The following FHIT variants were observed in gnomAD, a reference collection of about 807,000 sequenced individuals.
FHIT encodes the protein fragile histidine triad diadenosine triphosphatase, also known as bis(5'-adenosyl)-triphosphatase.
FHIT carries 19 observed loss-of-function variants against 17.9 expected under a neutral mutation model. The ratio of observed to expected loss-of-function variants is 1.06; its 90% CI spans 0.74 to 1.56. The LOEUF is 1.56. Among genes scored for constraint, FHIT ranks in the 40% most tolerant of loss-of-function variants. FHIT has a pLI of 0.00. For synonymous variants in FHIT, 81 were observed against 69.7 expected, an observed-to-expected ratio of 1.16 and a Z score of -0.81; for missense variants, 248 against 189.2, an observed-to-expected ratio of 1.31 and a Z score of -1.82.
intron 5 of FHIT, among the ~76,000 whole-genome samples, chr3:60,100,893 T>A (rs1322795701): frequency 6.6e-6 from 1 of 152,202 alleles, no homozygotes; most frequent in African/African-American, 2.4e-5. Context: ...CAAGAACCAC[T>A]TGACCTTTGG....
At chr3:60,846,369 C>T (rs185149841) in intron 3 of FHIT, among the ~76,000 whole-genome samples, 122 of 152,292 alleles carry the variant, frequency 8.0e-4, no homozygotes, top group Non-Finnish European at 1.4e-3. Flanking sequence ...GAAACACAAA[C>T]TTCAAGACAT....
chr3:59,928,252 A>C (rs1342662660), intron 7 of FHIT, among the ~76,000 whole-genome samples: 2 of 152,230 alleles, frequency 1.3e-5, no homozygotes, highest in African/African-American at 4.8e-5. Flanking sequence ...CTGACCTGTG[A>C]TTATGTTAAG....
chr3:60,930,651 A>C (rs1707900665), intron 3 of FHIT, among the ~76,000 whole-genome samples: 1 of 152,230 alleles, frequency 6.6e-6, no homozygotes, highest in Non-Finnish European at 1.5e-5. Flanking sequence ...CATGCAAATC[A>C]AAACCACAAT....
intron 8 of FHIT, among the ~76,000 whole-genome samples, chr3:59,901,936 C>A (rs1039076761): frequency 6.6e-6 from 1 of 152,062 alleles, no homozygotes; most frequent in Non-Finnish European, 1.5e-5. Flanking sequence ...CCTAGCCATA[C>A]AATGGAATAT....
chr3:60,912,054 T>TACACACAC (rs34525181), intron 3 of FHIT, among the ~76,000 whole-genome samples: 2 of 150,296 alleles, frequency 1.3e-5, no homozygotes, highest in Admixed American at 1.3e-4. Flanking sequence ...CACACACACA[T>TACACACAC]ACACACACAC....
intron 7 of FHIT, among the ~76,000 whole-genome samples, chr3:59,971,723 C>T (rs1708192938): frequency 6.6e-6 from 1 of 152,112 alleles, no homozygotes; most frequent in African/African-American, 2.4e-5. Context: ...AGTCCATGTC[C>T]AGGTTGCCCC....
Position 60,779,540 on chromosome 3 carries a change from C to T in FHIT, c.-18+42379G>A, listed in dbSNP as rs138976253. 2.0e-5 allele frequency among the ~76,000 whole-genome samples: 3 copies of T among 152,246 alleles called. No individual in the cohort carries two copies. In the East Asian group the frequency reaches 5.8e-4, roughly 29 times the overall value. On this transcript the variant is annotated intron_variant, in intron 4 of 9. Transcript: ENST00000492590. ...AAAGCCAAGCATCACGTATCCAAAT[C>T]CTGGCAAGCATAACTATAGCTACCA... is the stretch of plus-strand genomic sequence containing the variant.
chr3:60,792,795 T>C (rs1437339491), intron 4 of FHIT, among the ~76,000 whole-genome samples: 7 of 152,012 alleles, frequency 4.6e-5, no homozygotes, highest in Non-Finnish European at 8.8e-5. Flanking sequence ...CAGCCATTAG[T>C]AATTCCATCT....
intron 5 of FHIT, among the ~76,000 whole-genome samples, chr3:60,146,740 A>G (rs1576199174): frequency 6.6e-6 from 1 of 152,180 alleles, no homozygotes; most frequent in East Asian, 1.9e-4. Flanking sequence ...CCAAGTTTCA[A>G]CATGTCTGAG....
At chr3:59,781,029 A>G (rs1202366475) in intron 8 of FHIT, among the ~76,000 whole-genome samples, 2 of 152,162 alleles carry the variant, frequency 1.3e-5, no homozygotes, top group African/African-American at 2.4e-5. Context: ...ATAAAATTGT[A>G]TTATAAACTA....
intron 5 of FHIT, among the ~76,000 whole-genome samples, chr3:60,475,028 T>C (rs1396660542): frequency 6.6e-6 from 1 of 151,662 alleles, no homozygotes; most frequent in African/African-American, 2.4e-5. Context: ...TTACTTACTT[T>C]AGAACTTAGC....
chr3:60,024,901 T>C (rs1700683934), intron 5 of FHIT, among the ~76,000 whole-genome samples: 1 of 152,194 alleles, frequency 6.6e-6, no homozygotes, highest in East Asian at 1.9e-4. Context: ...GGGTTCTCTT[T>C]GCAAAGCTGA....
At chr3:59,863,213 C>T (rs1006612099) in intron 8 of FHIT, among the ~76,000 whole-genome samples, 9 of 152,158 alleles carry the variant, frequency 5.9e-5, no homozygotes, top group Non-Finnish European at 8.8e-5. Flanking sequence ...AGCCACTCTA[C>T]GATAAAGTCT....
At chr3:60,511,470 A>G (rs1235535227) in intron 5 of FHIT, among the ~76,000 whole-genome samples, 1 of 152,148 alleles carries the variant, frequency 6.6e-6, no homozygotes, top group East Asian at 1.9e-4. Flanking sequence ...TTTAATCAAA[A>G]ATTTGGAAAT....
chr3:60,119,175 G>A (rs1324425898), intron 5 of FHIT, among the ~76,000 whole-genome samples: 1 of 151,846 alleles, frequency 6.6e-6, no homozygotes. Context: ...CCAGGTTCAA[G>A]TGATTCTCCT....
At chr3:60,685,591 A>C (rs2040844337) in intron 4 of FHIT, among the ~76,000 whole-genome samples, 1 of 152,180 alleles carries the variant, frequency 6.6e-6, no homozygotes, top group African/African-American at 2.4e-5. Flanking sequence ...AGGGCTTGCA[A>C]AGTTCCATTC....
chr3:60,059,804 T>C (rs1349391994), intron 5 of FHIT, among the ~76,000 whole-genome samples: 1 of 152,176 alleles, frequency 6.6e-6, no homozygotes, highest in African/African-American at 2.4e-5. Context: ...TCTCCCCTTC[T>C]AGTACAAGAC....
chr3:60,534,226 G>A (rs2035892238), intron 5 of FHIT, among the ~76,000 whole-genome samples: 2 of 148,818 alleles, frequency 1.3e-5, no homozygotes, highest in South Asian at 4.3e-4. Flanking sequence ...AGGAGATCGA[G>A]ACCATCCTGG....
intron 3 of FHIT, among the ~76,000 whole-genome samples, chr3:61,026,827 C>T (rs1248806955): frequency 6.6e-6 from 1 of 152,076 alleles, no homozygotes; most frequent in Non-Finnish European, 1.5e-5. Flanking sequence ...AAAAGCAGAG[C>T]TAGAATTCAA....
Sources: allele counts gnomAD v4.1 joint callset (sites outside exome capture counted in the v4.1 genomes callset), GRCh38; gene constraint gnomAD v4.1.1; transcripts MANE v1.5; gene names NCBI Gene and HGNC (gene_info 2026-07-23, HGNC 2026-07-21).